Variants in CRIM1 observed in about 807,000 individuals in gnomAD.
The protein encoded by CRIM1 is cysteine rich transmembrane BMP regulator 1, also known as cysteine-rich motor neuron 1 protein.
CRIM1 carries 32 observed loss-of-function variants against 116.4 expected under a neutral mutation model. That is an observed-to-expected ratio of 0.27 (90% CI 0.21 to 0.37). CRIM1 has a LOEUF of 0.37. Among genes scored for constraint, CRIM1 ranks in the 10% least tolerant of loss-of-function variants. CRIM1 has a pLI of 1.00. For synonymous variants in CRIM1, 590 were observed against 509.2 expected, an observed-to-expected ratio of 1.16 and a Z score of -2.13; for missense variants, 1,331 against 1,354.8, an observed-to-expected ratio of 0.98 and a Z score of 0.28.
At chr2:36,509,285 C>T (rs1681643344) in intron 8 of CRIM1, among the ~76,000 whole-genome samples, 1 of 152,142 alleles carries the variant, frequency 6.6e-6, no homozygotes, top group Non-Finnish European at 1.5e-5. Context: ...GGGAAGCTGA[C>T]ACTGGCGGAT....
At chr2:36,451,624 C>G (rs1019640134) in intron 4 of CRIM1, among the ~76,000 whole-genome samples, 6 of 152,156 alleles carry the variant, frequency 3.9e-5, no homozygotes, top group Non-Finnish European at 8.8e-5. Context: ...TGCTCAAATG[C>G]TTATCCTTCC....
At chr2:36,506,864 A>G (rs546524821) in intron 8 of CRIM1, among the ~76,000 whole-genome samples, 2 of 148,694 alleles carry the variant, frequency 1.3e-5, no homozygotes, top group African/African-American at 4.9e-5. Context: ...TTATTTATTT[A>G]TTTTTTTTTT....
chr2:36,506,543 T>C (rs1173675651), intron 8 of CRIM1, among the ~76,000 whole-genome samples: 1 of 152,160 alleles, frequency 6.6e-6, no homozygotes, highest in African/African-American at 2.4e-5. Flanking sequence ...GTGTCACGTT[T>C]TGAGCATAGG....
intron 7 of CRIM1, among the ~76,000 whole-genome samples, chr2:36,492,342 A>G (rs1680285948): frequency 1.3e-5 from 2 of 152,230 alleles, no homozygotes; most frequent in African/African-American, 4.8e-5. Context: ...CCAAATGTGT[A>G]GCGGCTAAAA....
chr2:36,522,436 C>T (rs1261097507), intron 13 of CRIM1, 123 bp downstream of exon 13: 1 of 727,112 alleles, frequency 1.4e-6, no homozygotes, highest in Non-Finnish European at 2.4e-6. Context: ...ACATGTCACA[C>T]AGACCCAGTG....
chr2:36,483,430 G>A (rs1679573828), intron 7 of CRIM1, among the ~76,000 whole-genome samples: 2 of 152,188 alleles, frequency 1.3e-5, no homozygotes, highest in Non-Finnish European at 2.9e-5. Flanking sequence ...TTTAAGAGGA[G>A]CAACTAATTT....
chr2:36,521,911 T>G (rs1665420078), intron 12 of CRIM1, among the ~76,000 whole-genome samples, 181 bp from the exon 13 acceptor site: 1 of 152,232 alleles, frequency 6.6e-6, no homozygotes, highest in Admixed American at 6.5e-5. Flanking sequence ...TTTTTGATCT[T>G]TGTTATTTTG....
intron 7 of CRIM1, among the ~76,000 whole-genome samples, chr2:36,482,905 A>G (rs887233538): frequency 6.6e-6 from 1 of 152,170 alleles, no homozygotes; most frequent in Admixed American, 6.5e-5. Context: ...ATACCTTCCA[A>G]ATGACAAGAT....
At chr2:36,515,516 C>T (rs190876740) in intron 11 of CRIM1, among the ~76,000 whole-genome samples, 21 of 152,316 alleles carry the variant, frequency 1.4e-4, no homozygotes, top group African/African-American at 5.1e-4. Flanking sequence ...TTCACGGACT[C>T]CTACTTTAAA....
intron 2 of CRIM1, among the ~76,000 whole-genome samples, chr2:36,437,721 C>T (rs1279753734): frequency 6.6e-6 from 1 of 152,162 alleles, no homozygotes; most frequent in Non-Finnish European, 1.5e-5. Flanking sequence ...TGGTAGCCTA[C>T]CCTATTCCAC....
At chr2:36,379,978 C>T (rs1398417444) in intron 1 of CRIM1, among the ~76,000 whole-genome samples, 1 of 151,620 alleles carries the variant, frequency 6.6e-6, no homozygotes, top group Non-Finnish European at 1.5e-5. Flanking sequence ...AGACTTTGAC[C>T]ACTCAGGGAT....
chr2:36,510,269 T>C (rs1287325800), intron 9 of CRIM1, 130 bp downstream of exon 9: 1 of 810,674 alleles, frequency 1.2e-6, no homozygotes, highest in Non-Finnish European at 1.9e-6. Flanking sequence ...TATACTTGTT[T>C]TGTTAGGTGA....
At chr2:36,496,394 T>C (rs553670776) in intron 7 of CRIM1, among the ~76,000 whole-genome samples, 1 of 152,314 alleles carries the variant, frequency 6.6e-6, no homozygotes, top group East Asian at 1.9e-4. Context: ...CTGTGTTTAA[T>C]GTTAAATATT....
In CRIM1 at chr2:36,426,723, A is replaced by G. The variant is rs116924315; in HGVS notation, c.506-14535A>G. Among the ~76,000 whole-genome samples the G allele has an allele frequency of 2.2e-3, 332 of 152,302 alleles. 2 individuals carry two copies. Among genetic ancestry groups the G allele is most frequent in the East Asian group, 0.013 (65 of 5,178 alleles). On this transcript the variant is annotated intron_variant, in intron 2 of 16. Coordinates refer to ENST00000280527, the MANE Select transcript of CRIM1 (RefSeq NM_016441.3). ...ATCACTAAAGAAAACCTGTGGTACT[A>G]CCACTCCCCCTTGTTTATATCTGAC...
At chr2:36,483,928 C>A (rs1283715825) in intron 7 of CRIM1, among the ~76,000 whole-genome samples, 1 of 152,204 alleles carries the variant, frequency 6.6e-6, no homozygotes, top group African/African-American at 2.4e-5. Flanking sequence ...TGTCAGCATG[C>A]TTATCACTGA....
At chr2:36,373,647 C>T (rs533269724) in intron 1 of CRIM1, among the ~76,000 whole-genome samples, 15 of 152,260 alleles carry the variant, frequency 9.9e-5, no homozygotes, top group Non-Finnish European at 1.8e-4. Context: ...GCAGAATGGC[C>T]GTGGGAAGGT....
At chr2:36,468,200 A>T (rs1022975209) in intron 5 of CRIM1, among the ~76,000 whole-genome samples, 1 of 152,142 alleles carries the variant, frequency 6.6e-6, no homozygotes, top group African/African-American at 2.4e-5. Flanking sequence ...TGCCGCACTC[A>T]CTTCCTATGC....
Position 36,373,037 on chromosome 2 carries a change from TC to T in CRIM1, c.331+16416del, listed in dbSNP as rs1354970865. ...AAGCTTAAAAATCTGTTCCCAGACT[TC>T]CTAGGCAGGTATGTTTTCTTTTCAG... On this transcript the variant is annotated intron_variant, in intron 1 of 16. Coordinates refer to ENST00000280527, the MANE Select transcript of CRIM1 (RefSeq NM_016441.3). Among the ~76,000 whole-genome samples, 40 of 152,344 alleles carry T rather than the reference TC, an allele frequency of 2.6e-4. 1 individual carries two copies. The highest frequency in any genetic ancestry group is 9.4e-4 in the African/African-American group (39 of 41,576).
chr2:36,376,101 G>T (rs1670298127), intron 1 of CRIM1, among the ~76,000 whole-genome samples: 1 of 152,170 alleles, frequency 6.6e-6, no homozygotes, highest in South Asian at 2.1e-4. Flanking sequence ...ACTTCCCTAA[G>T]CTTAACCCCA....
Sources: allele counts gnomAD v4.1 joint callset (sites outside exome capture counted in the v4.1 genomes callset), GRCh38; gene constraint gnomAD v4.1.1; transcripts MANE v1.5; gene names NCBI Gene and HGNC (gene_info 2026-07-23, HGNC 2026-07-21).